Variants in MYZAP observed in about 807,000 individuals in gnomAD.
The protein encoded by MYZAP is myocardial zonula adherens protein.
In MYZAP, 66 loss-of-function variants were observed where a neutral mutation model predicts 69.4. The ratio of observed to expected loss-of-function variants is 0.95; its 90% CI spans 0.78 to 1.17. The LOEUF is 1.17. Ranked by LOEUF, MYZAP falls within the 50% of genes most tolerant of loss-of-function variation. The probability of loss-of-function intolerance (pLI) is 0.00; values close to 1 mark genes in which losing one functional copy is unlikely to be tolerated. For missense variants in MYZAP, 611 were observed against 556.2 expected (o/e 1.10, Z -0.99); for synonymous variants, 256 against 205.9 (o/e 1.24, Z -2.09).
intron 10 of MYZAP, chr15:57,646,401 C>A: frequency 9.0e-7 from 1 of 1,114,474 alleles, no homozygotes; most frequent in Non-Finnish European, 1.1e-6. Context: ...ACTTGTACAG[C>A]CTCAAACTGC....
chr15:57,670,422 A>G (rs2038813407), intron 11 of MYZAP, among the ~76,000 whole-genome samples: 1 of 151,978 alleles, frequency 6.6e-6, no homozygotes, highest in African/African-American at 2.4e-5. Flanking sequence ...TGTTATATTT[A>G]CTGTTTACGT....
At chr15:57,657,229 A>AT (rs1372673133) in intron 10 of MYZAP, among the ~76,000 whole-genome samples, 3 of 152,268 alleles carry the variant, frequency 2.0e-5, no homozygotes, top group Admixed American at 2.0e-4. Context: ...TTTTTACATC[A>AT]TTTGATTAAA....
chr15:57,620,500 T>C (rs2035739142), intron 3 of MYZAP, among the ~76,000 whole-genome samples: 1 of 152,218 alleles, frequency 6.6e-6, no homozygotes, highest in African/African-American at 2.4e-5. Context: ...AGACAGGGAC[T>C]GTTTGTAAGG....
intron 2 of MYZAP, among the ~76,000 whole-genome samples, chr15:57,617,530 G>GT (rs2035544376): frequency 6.6e-6 from 1 of 152,164 alleles, no homozygotes; most frequent in African/African-American, 2.4e-5. Context: ...GGTCACAACA[G>GT]GTTATGTACT....
Position 57,684,559 on chromosome 15 carries a change from A to T in MYZAP, c.*61A>T. ...AAGCTCTGGAACCCTGTGGCTTCAAATCCTTTGGGAAGGGTGACTGTTGTT... is the reference window on the plus strand; with the variant it reads ...AAGCTCTGGAACCCTGTGGCTTCAATTCCTTTGGGAAGGGTGACTGTTGTT... On this transcript the variant is annotated 3_prime_UTR_variant, in exon 13 of 13. Coordinates refer to ENST00000267853, the MANE Select transcript of MYZAP (RefSeq NM_001018100.5). 1 of 1,088,844 alleles carries T rather than the reference A, an allele frequency of 9.2e-7. No homozygotes were observed. Among genetic ancestry groups the T allele is most frequent in the Non-Finnish European group, 1.4e-6 (1 of 724,560 alleles). 67.4% of individuals were successfully genotyped at this position (1,088,844 alleles called of 1,614,324 possible).
chr15:57,622,903 T>G (rs1234324528), intron 4 of MYZAP, among the ~76,000 whole-genome samples: 2 of 152,184 alleles, frequency 1.3e-5, no homozygotes, highest in African/African-American at 2.4e-5. Flanking sequence ...AATGTCAAAG[T>G]CAAATGACCG....
At chr15:57,632,612 A>G in intron 7 of MYZAP, 53 bp downstream of exon 7, 1 of 1,607,748 alleles carries the variant, frequency 6.2e-7, no homozygotes, top group Middle Eastern at 1.7e-4. Flanking sequence ...TTGGTTCATT[A>G]TTGTTGGTGA....
Position 57,592,018 on chromosome 15 carries a change from C to G in MYZAP, c.-17C>G, listed in dbSNP as rs149008805. 4.3e-3 allele frequency: 6,168 copies of G among 1,431,624 alleles called. 226 individuals carry two copies. The African/African-American group carries it at 0.078, about 18-fold the overall frequency. The allele number at this position is 1,431,624 out of a possible 1,614,324, so 88.7% of individuals were successfully genotyped here. A position where few individuals can be genotyped will look rare whatever the true frequency, so the allele number is the denominator to read the frequency against. On this transcript the variant is annotated 5_prime_UTR_variant, in exon 1 of 13. Coordinates refer to ENST00000267853, the MANE Select transcript of MYZAP (RefSeq NM_001018100.5). ...AGGAACGCCGGCGTCCAGCCCGCTA[C>G]CGACCGCCGCTGCGGGATGCTGCGC...
chr15:57,643,862 C>G (rs554910872), intron 10 of MYZAP, among the ~76,000 whole-genome samples: 2 of 151,834 alleles, frequency 1.3e-5, no homozygotes, highest in East Asian at 3.9e-4. Flanking sequence ...CCAACAGGGT[C>G]TGAAGGGAGT....
At chr15:57,639,369 C>T in intron 9 of MYZAP, 71 bp from the exon 10 acceptor site, 1 of 1,510,078 alleles carries the variant, frequency 6.6e-7, no homozygotes. Context: ...TTCTTTAAAG[C>T]TGTGACTGTT....
At chr15:57,626,700 T>G (rs1368257492) in intron 5 of MYZAP, among the ~76,000 whole-genome samples, 1 of 152,222 alleles carries the variant, frequency 6.6e-6, no homozygotes, top group African/African-American at 2.4e-5. Flanking sequence ...CAAAACCTAT[T>G]TCAAATCCTT....
intron 5 of MYZAP, among the ~76,000 whole-genome samples, chr15:57,628,018 A>G (rs1397272825): frequency 2.6e-5 from 4 of 152,146 alleles, no homozygotes; most frequent in African/African-American, 9.7e-5. Context: ...AAAGGCTTAT[A>G]TTGTCCAAAG....
chr15:57,658,327 A>T (rs1320607418), intron 10 of MYZAP, among the ~76,000 whole-genome samples: 1 of 152,166 alleles, frequency 6.6e-6, no homozygotes, highest in Non-Finnish European at 1.5e-5. Context: ...ACTTTTTCTT[A>T]CATAATTATA....
intron 5 of MYZAP, among the ~76,000 whole-genome samples, chr15:57,627,400 AGGGGAGGGGAAGGG>A (rs2036210960): frequency 1.4e-4 from 1 of 7,128 alleles, no homozygotes; most frequent in Non-Finnish European, 2.9e-4. Flanking sequence ...GGGGAGGGGG[AGGGGAGGGGAAGGG>A]GGAGGAGGAG....
At position 57,684,568 on chromosome 15, in the gene MYZAP, G is replaced by C. The variant is rs1231535949; in HGVS notation, c.*70G>C. On this transcript the variant is annotated 3_prime_UTR_variant, in exon 13 of 13. Transcript: ENST00000267853. Reference sequence around the variant, plus strand: ...AACCCTGTGGCTTCAAATCCTTTGGGAAGGGTGACTGTTGTTTCCCCTACA... The same window carrying C: ...AACCCTGTGGCTTCAAATCCTTTGGCAAGGGTGACTGTTGTTTCCCCTACA... The C allele has an allele frequency of 4.1e-6, 4 of 985,248 alleles. No individual in the cohort carries two copies. In the East Asian group the frequency reaches 9.6e-5, roughly 24 times the overall value. 61.0% of individuals were successfully genotyped at this position (985,248 alleles called of 1,614,324 possible).
intron 8 of MYZAP, among the ~76,000 whole-genome samples, chr15:57,635,479 G>GGGAT (rs1394431602): frequency 6.6e-6 from 1 of 152,164 alleles, no homozygotes; most frequent in Non-Finnish European, 1.5e-5. Flanking sequence ...GCCCTCATGT[G>GGGAT]GGATGAATGG....
chr15:57,663,483 A>G (rs1474654791), intron 11 of MYZAP, among the ~76,000 whole-genome samples: 1 of 152,200 alleles, frequency 6.6e-6, no homozygotes, highest in Non-Finnish European at 1.5e-5. Flanking sequence ...GCGGTGCCAT[A>G]TCAAGGAGGT....
intron 11 of MYZAP, among the ~76,000 whole-genome samples, chr15:57,661,823 G>A (rs79566231): frequency 0.042 from 6,453 of 152,092 alleles, 382 homozygotes; most frequent in African/African-American, 0.13. Flanking sequence ...ATAATTCCCC[G>A]CATTTGTCCA....
chr15:57,667,992 A>G (rs905942705), intron 11 of MYZAP, among the ~76,000 whole-genome samples: 3 of 152,078 alleles, frequency 2.0e-5, no homozygotes, highest in Non-Finnish European at 4.4e-5. Flanking sequence ...TTTGGTCACT[A>G]TGGATTTCCA....
Sources: gnomAD v4.1 joint callset for allele counts (sites outside exome capture counted in the v4.1 genomes callset) on GRCh38, gnomAD v4.1.1 for gene constraint, MANE v1.5 for transcripts, NCBI Gene and HGNC (gene_info 2026-07-23, HGNC 2026-07-21) for gene names.